The following ARR3 variants were observed in gnomAD, a reference collection of about 807,000 sequenced individuals.
The protein encoded by ARR3 is arrestin-C.
In ARR3, 14 loss-of-function variants were observed where a neutral mutation model predicts 35.4. The observed-to-expected ratio is 0.40, with a 90% CI of 0.26 to 0.62. The LOEUF (loss-of-function observed/expected upper bound fraction) is 0.62. Ranked by LOEUF, ARR3 falls within the 20% of genes least tolerant of loss-of-function variation. The probability of loss-of-function intolerance (pLI) is 0.46; values close to 1 mark genes in which losing one functional copy is unlikely to be tolerated. For missense variants in ARR3, 259 were observed against 303.8 expected (o/e 0.85, Z 1.10); for synonymous variants, 97 against 119.1 (o/e 0.81, Z 1.21).
Position 70,275,297 on chromosome X carries a change from T to A in ARR3, c.146-785T>A, listed in dbSNP as rs181863825. Reference sequence around the variant, plus strand: ...AAATTTTTTGACAATCTCATGGGTGTGAAATCTTATCTCGTTGTGGTTTTA... The same window carrying A: ...AAATTTTTTGACAATCTCATGGGTGAGAAATCTTATCTCGTTGTGGTTTTA... On this transcript the variant is annotated intron_variant, in intron 5 of 16. Coordinates refer to ENST00000307959, the MANE Select transcript of ARR3 (RefSeq NM_004312.3). Among the ~76,000 whole-genome samples the A allele has an allele frequency of 7.9e-3, 888 of 112,562 alleles. 10 individuals carry two copies. The highest frequency in any genetic ancestry group is 0.027 in the African/African-American group (832 of 31,032).
chrX:70,280,423 G>C lies in ARR3; in HGVS notation c.990-136G>C, dbSNP rs1477775717. On this transcript the variant is annotated intron_variant, in intron 13 of 16. Coordinates refer to ENST00000307959, the MANE Select transcript of ARR3 (RefSeq NM_004312.3). ...AGGTTCCCAAACCTGTGAGCTCAGT[G>C]AGCAAGTCACTTTCCCTTCCAGAAA... The C allele has an allele frequency of 2.7e-5, 26 of 960,284 alleles. No individual in the cohort carries two copies. The East Asian group carries it at 7.1e-4, about 26-fold the overall frequency. 79.1% of individuals were successfully genotyped at this position (960,284 alleles called of 1,213,427 possible).
rs774286761 is a variant in ARR3 at position 70,269,711 on chromosome X, G to C, written c.39+19G>C. The C allele has an allele frequency of 5.7e-5, 68 of 1,202,969 alleles. No individual in the cohort carries two copies. Among genetic ancestry groups the C allele is most frequent in the Non-Finnish European group, 7.5e-5 (67 of 891,134 alleles). On this transcript the variant is annotated intron_variant, in intron 3 of 16. Coordinates refer to ENST00000307959, the MANE Select transcript of ARR3 (RefSeq NM_004312.3). ...TGGGAAGGTGAGAGAACCTGGCCCA[G>C]CTGGGCAAATGAGAGGGCAAAAGGG...
chrX:70,273,214 CTTTTTTTTT>C (rs59650423), intron 5 of ARR3, among the ~76,000 whole-genome samples: 1 of 41,626 alleles, frequency 2.4e-5, no homozygotes, highest in Non-Finnish European at 4.0e-5. Flanking sequence ...GAAAGGATTC[CTTTTTTTTT>C]TTTTTTTTTT....
At chrX:70,278,985 C>T (rs776581882) in intron 12 of ARR3, among the ~76,000 whole-genome samples, 6 of 112,913 alleles carry the variant, frequency 5.3e-5, no homozygotes, top group African/African-American at 1.9e-4. Flanking sequence ...TGTTCTTATT[C>T]CCTTTTACAC....
intron 5 of ARR3, among the ~76,000 whole-genome samples, chrX:70,272,697 A>G (rs1296961384): frequency 1.8e-5 from 2 of 111,866 alleles, no homozygotes; most frequent in Non-Finnish European, 3.8e-5. Flanking sequence ...TATACCAATT[A>G]AATCTCACTC....
chrX:70,269,324 T>C, intron 1 of ARR3, 32 bp from the exon 2 acceptor site: 2 of 1,189,325 alleles, frequency 1.7e-6, no homozygotes, highest in Non-Finnish European at 1.1e-6. Flanking sequence ...AGAAATGAAA[T>C]GATTGAGCCT....
At chrX:70,270,600 A>G (rs2085626061) in intron 5 of ARR3, among the ~76,000 whole-genome samples, 1 of 110,995 alleles carries the variant, frequency 9.0e-6, no homozygotes, top group Non-Finnish European at 1.9e-5. Context: ...CCATATTTTA[A>G]GGCAAATTTC....
At chrX:70,274,199 CTTT>C (rs200481457) in intron 5 of ARR3, among the ~76,000 whole-genome samples, 3 of 90,806 alleles carry the variant, frequency 3.3e-5, no homozygotes, top group Admixed American at 1.2e-4. Context: ...TGTTCAGTAG[CTTT>C]TTTTTTTTTT....
intron 5 of ARR3, among the ~76,000 whole-genome samples, chrX:70,274,757 G>A (rs986540612): frequency 2.7e-5 from 3 of 111,854 alleles, no homozygotes; most frequent in African/African-American, 6.5e-5. Flanking sequence ...CATGGTGGAA[G>A]GTGGAAGGGC....
In ARR3 at chrX:70,269,704, T is replaced by C; in HGVS notation, c.39+12T>C. 1 of 1,205,161 alleles carries C rather than the reference T, an allele frequency of 8.3e-7. No homozygotes were observed. The highest frequency in any genetic ancestry group is 3.0e-5 in the East Asian group (1 of 33,689). ...GCTCCAATGGGAAGGTGAGAGAACC[T>C]GGCCCAGCTGGGCAAATGAGAGGGC... is the stretch of plus-strand genomic sequence containing the variant. On this transcript the variant is annotated intron_variant, in intron 3 of 16. Transcript: ENST00000307959.
chrX:70,280,325 G>C, intron 13 of ARR3, 47 bp downstream of exon 13: 1 of 1,134,420 alleles, frequency 8.8e-7, no homozygotes, highest in Non-Finnish European at 1.2e-6. Context: ...GAAGAGTCAA[G>C]GGCTTTTCGC....
intron 8 of ARR3, 152 bp from the exon 9 acceptor site, chrX:70,277,242 A>T: frequency 1.3e-6 from 1 of 766,081 alleles, no homozygotes; most frequent in African/African-American, 2.1e-5. Flanking sequence ...CCTTTGGTCT[A>T]CATGCTTACA....
chrX:70,281,691 C>T lies in ARR3; in HGVS notation c.1092C>T (p.Val364=). 8.4e-7 allele frequency: 1 copy of T among 1,185,245 alleles called. No homozygotes were observed. Among genetic ancestry groups the T allele is most frequent in the Non-Finnish European group, 1.1e-6 (1 of 881,815 alleles). Residue 364 remains valine (V), a synonymous_variant, in exon 17 of 17, where the codon GTC becomes GTT. Transcript: ENST00000307959. ...SHEAASSEDI[V]IEEFTRKGEE... Reference sequence around the variant, plus strand: ...CTTCTGCAAGCTCTGAGGACATAGTCATCGAGGAGTTTACGCGGAAAGGCG... The same window carrying T: ...CTTCTGCAAGCTCTGAGGACATAGTTATCGAGGAGTTTACGCGGAAAGGCG...
chrX:70,280,002 G>A (rs2085671920), intron 12 of ARR3, among the ~76,000 whole-genome samples, 193 bp from the exon 13 acceptor site: 2 of 111,802 alleles, frequency 1.8e-5, no homozygotes, highest in Admixed American at 1.9e-4. Context: ...AGCAGAGAGT[G>A]ACATGGTAAA....
At chrX:70,273,375 C>G (rs2085638545) in intron 5 of ARR3, among the ~76,000 whole-genome samples, 1 of 109,697 alleles carries the variant, frequency 9.1e-6, no homozygotes, top group African/African-American at 3.3e-5. Flanking sequence ...GTGCCCACCA[C>G]CACGCCCGGT....
At chrX:70,280,840 A>C (rs1345119482) in intron 15 of ARR3, 22 bp downstream of exon 15, 8 of 1,210,067 alleles carry the variant, frequency 6.6e-6, no homozygotes, top group Non-Finnish European at 8.9e-6. Context: ...GGTGGAACTC[A>C]CAGGGACGGC....
intron 12 of ARR3, 85 bp downstream of exon 12, chrX:70,278,726 T>G: frequency 1.8e-6 from 2 of 1,105,982 alleles, no homozygotes; most frequent in Non-Finnish European, 2.4e-6. Flanking sequence ...GGTTTCATGT[T>G]CAGTAAAGCC....
intron 5 of ARR3, among the ~76,000 whole-genome samples, chrX:70,275,630 T>A (rs2085648537): frequency 9.4e-6 from 1 of 106,300 alleles, no homozygotes; most frequent in African/African-American, 3.4e-5. Flanking sequence ...GTATTAAGAA[T>A]CTTTTCATTT....
intron 16 of ARR3, 148 bp downstream of exon 16, chrX:70,281,256 C>A: frequency 1.4e-6 from 1 of 709,530 alleles, no homozygotes; most frequent in South Asian, 2.7e-5. Context: ...TGTCACAGTT[C>A]GGTGCTTTTC....
Sources: gnomAD v4.1 joint callset for allele counts (sites outside exome capture counted in the v4.1 genomes callset) on GRCh38, gnomAD v4.1.1 for gene constraint, MANE v1.5 for transcripts, NCBI Gene and HGNC (gene_info 2026-07-23, HGNC 2026-07-21) for gene names.